METTL15: variants seen among roughly 807,000 people sequenced by gnomAD.
METTL15 encodes 12S rRNA N(4)-cytidine methyltransferase METTL15.
A neutral mutation model predicts 38.3 loss-of-function variants in METTL15; 34 were observed. That is an observed-to-expected ratio of 0.89 (90% CI 0.68 to 1.18). The LOEUF is 1.18. Among genes scored for constraint, METTL15 ranks in the 50% most tolerant of loss-of-function variants. The pLI, the probability that METTL15 is intolerant of heterozygous loss-of-function variation, is 0.00. For missense variants in METTL15, 438 were observed against 498.4 expected (o/e 0.88, Z 1.15); for synonymous variants, 162 against 170.9 (o/e 0.95, Z 0.41).
At chr11:28,280,341 TG>T in intron 4 of METTL15, among the ~76,000 whole-genome samples, 1 of 152,318 alleles carries the variant, frequency 6.6e-6, no homozygotes, top group East Asian at 1.9e-4. Flanking sequence ...TAGCAATTTT[TG>T]TCTTCTGGCT....
At chr11:28,324,641 A>G (rs1169111398) in intron 6 of METTL15, among the ~76,000 whole-genome samples, 1 of 152,236 alleles carries the variant, frequency 6.6e-6, no homozygotes, top group Non-Finnish European at 1.5e-5. Context: ...AAAGTAGCAT[A>G]GAGGACTGGA....
chr11:28,291,545 T>C (rs1856515770), intron 5 of METTL15, among the ~76,000 whole-genome samples: 1 of 152,200 alleles, frequency 6.6e-6, no homozygotes, highest in Admixed American at 6.6e-5. Context: ...CCCTATGTTG[T>C]GATACGACCT....
chr11:28,263,272 C>T (rs1455277381), intron 4 of METTL15, among the ~76,000 whole-genome samples: 1 of 152,048 alleles, frequency 6.6e-6, no homozygotes, highest in African/African-American at 2.4e-5. Context: ...AGCCACTTCT[C>T]TCAAGTTAGA....
chr11:28,248,841 G>A lies in METTL15; in HGVS notation c.407+37643G>A, dbSNP rs78935030. On this transcript the variant is annotated intron_variant, in intron 4 of 6. Transcript: ENST00000407364. Reference sequence around the variant, plus strand: ...AAAAAAAAAGCATCACTAAGGTTAAGTAACTTATCTTCCAACATGCCACTC... The same window carrying A: ...AAAAAAAAAGCATCACTAAGGTTAAATAACTTATCTTCCAACATGCCACTC... 4.8e-3 allele frequency among the ~76,000 whole-genome samples: 723 copies of A among 151,770 alleles called. 2 individuals carry two copies. Among genetic ancestry groups the A allele is most frequent in the Admixed American group, 0.01 (156 of 15,220 alleles).
At chr11:28,115,379 C>G (rs1193423983) in intron 3 of METTL15, among the ~76,000 whole-genome samples, 2 of 151,974 alleles carry the variant, frequency 1.3e-5, no homozygotes, top group Non-Finnish European at 2.9e-5. Flanking sequence ...CTGCCTCAGC[C>G]TCCCGAGTAG....
At chr11:28,405,822 G>A (rs959830685) in intron 5 of METTL15, among the ~76,000 whole-genome samples, 1 of 152,120 alleles carries the variant, frequency 6.6e-6, no homozygotes, top group Non-Finnish European at 1.5e-5. Flanking sequence ...ACTATTTTAT[G>A]AAGGATTATT....
At chr11:28,112,504 C>T (rs1851762851) in intron 2 of METTL15, among the ~76,000 whole-genome samples, 1 of 152,106 alleles carries the variant, frequency 6.6e-6, no homozygotes, top group Non-Finnish European at 1.5e-5. Flanking sequence ...CAAAAGGTCT[C>T]CTGTTAATAT....
intron 6 of METTL15, among the ~76,000 whole-genome samples, chr11:28,508,333 G>A (rs112170799): frequency 4.3e-4 from 66 of 152,192 alleles, no homozygotes; most frequent in Non-Finnish European, 3.7e-4. Flanking sequence ...CATCTAGAGC[G>A]GAATCTGTTA....
At chr11:28,392,351 G>C (rs1297802026) in intron 5 of METTL15, among the ~76,000 whole-genome samples, 1 of 152,102 alleles carries the variant, frequency 6.6e-6, no homozygotes, top group Non-Finnish European at 1.5e-5. Flanking sequence ...TAAGGCTAAA[G>C]TAATTAAAAC....
intron 5 of METTL15, among the ~76,000 whole-genome samples, chr11:28,397,564 G>A (rs574338380): frequency 2.0e-5 from 3 of 151,884 alleles, no homozygotes; most frequent in Non-Finnish European, 4.4e-5. Flanking sequence ...AGTTAGAATG[G>A]CGATCATTAA....
intron 4 of METTL15, among the ~76,000 whole-genome samples, chr11:28,244,151 T>C (rs937916405): frequency 2.0e-5 from 3 of 152,176 alleles, no homozygotes; most frequent in African/African-American, 7.2e-5. Context: ...AGCAAGGGAA[T>C]TATTTGTGCA....
At chr11:28,329,573 G>A (rs7932126) in intron 6 of METTL15, among the ~76,000 whole-genome samples, 1 of 151,890 alleles carries the variant, frequency 6.6e-6, no homozygotes, top group East Asian at 1.9e-4. Context: ...TGAACATACA[G>A]TAATTAAGTC....
At chr11:28,315,826 G>T (rs1857459945) in intron 6 of METTL15, among the ~76,000 whole-genome samples, 1 of 152,220 alleles carries the variant, frequency 6.6e-6, no homozygotes, top group South Asian at 2.1e-4. Context: ...GTTGCTTCAG[G>T]GGGTGGAAGT....
chr11:28,497,811 C>A (rs60210949), intron 6 of METTL15, among the ~76,000 whole-genome samples: 1,670 of 152,170 alleles, frequency 0.011, 39 homozygotes, highest in African/African-American at 0.038. Flanking sequence ...GTAATCCCAG[C>A]ACTTTGGGAG....
chr11:28,366,937 GAATAGCTGTATTTA>G (rs1362444764), intron 5 of METTL15, among the ~76,000 whole-genome samples: 1 of 152,116 alleles, frequency 6.6e-6, no homozygotes, highest in Admixed American at 6.5e-5. Flanking sequence ...ATAAAGCCAA[GAATAGCTGTATTTA>G]AATGGATAAT....
chr11:28,234,785 G>A (rs1281867545), intron 4 of METTL15, among the ~76,000 whole-genome samples: 1 of 135,994 alleles, frequency 7.4e-6, no homozygotes, highest in African/African-American at 2.8e-5. Context: ...AGTTTCTTTT[G>A]CTGTGCAGAA....
At chr11:28,278,943 C>T (rs1271957418) in intron 4 of METTL15, among the ~76,000 whole-genome samples, 1 of 152,180 alleles carries the variant, frequency 6.6e-6, no homozygotes, top group Non-Finnish European at 1.5e-5. Flanking sequence ...CCTCACACCT[C>T]AGCCTCTTGA....
chr11:28,177,924 A>T (rs1384412497), intron 3 of METTL15, among the ~76,000 whole-genome samples: 4 of 152,036 alleles, frequency 2.6e-5, no homozygotes, highest in African/African-American at 9.6e-5. Context: ...CTATGGGACA[A>T]AATTGAAGAC....
chr11:28,355,437 C>G (rs1447132031), intron 4 of METTL15, among the ~76,000 whole-genome samples: 1 of 151,944 alleles, frequency 6.6e-6, no homozygotes, highest in Admixed American at 6.6e-5. Context: ...GAAGATTCAC[C>G]ATTACATTAA....
Sources: allele counts gnomAD v4.1 joint callset (sites outside exome capture counted in the v4.1 genomes callset), GRCh38; gene constraint gnomAD v4.1.1; transcripts MANE v1.5; gene names NCBI Gene and HGNC (gene_info 2026-07-23, HGNC 2026-07-21).